The following RXRA variants were observed in gnomAD, a reference collection of about 807,000 sequenced individuals.
RXRA encodes the protein retinoic acid receptor RXR-alpha.
RXRA carries 5 observed loss-of-function variants against 44.5 expected under a neutral mutation model. The ratio of observed to expected loss-of-function variants is 0.11; its 90% CI spans 0.06 to 0.24. The LOEUF (loss-of-function observed/expected upper bound fraction) is 0.24. Among genes scored for constraint, RXRA ranks in the 10% least tolerant of loss-of-function variants. The pLI, the probability that RXRA is intolerant of heterozygous loss-of-function variation, is 1.00. For missense variants in RXRA, 412 were observed against 646.5 expected, an observed-to-expected ratio of 0.64 and a Z score of 3.93; for synonymous variants, 291 against 271.4, an observed-to-expected ratio of 1.07 and a Z score of -0.71.
intron 1 of RXRA, chr9:134,372,015 G>A (rs1435301019): frequency 1.3e-5 from 2 of 152,216 alleles, no homozygotes; most frequent in African/African-American, 4.8e-5. Context: ...GGGTGCTCAG[G>A]CCCCACTTCC....
chr9:134,422,285 C>G (rs1171043668), intron 6 of RXRA: 1 of 1,289,064 alleles, frequency 7.8e-7, no homozygotes, highest in East Asian at 5.6e-5. Context: ...AGGACACACT[C>G]CTACTTCCTG....
At chr9:134,337,920 C>T (rs1340846328) in intron 1 of RXRA, among the ~76,000 whole-genome samples, 1 of 152,144 alleles carries the variant, frequency 6.6e-6, no homozygotes, top group Non-Finnish European at 1.5e-5. Context: ...TGGCCGCGTG[C>T]CAGCCCTGAG....
chr9:134,343,484 A>C lies in RXRA; in HGVS notation c.28+16825A>C, dbSNP rs1763482159. Among the ~76,000 whole-genome samples the C allele has an allele frequency of 2.0e-5, 3 of 151,974 alleles. No homozygotes were observed. Among genetic ancestry groups the C allele is most frequent in the African/African-American group, 7.3e-5 (3 of 41,354 alleles). On this transcript the variant is annotated intron_variant, in intron 1 of 9. Transcript: ENST00000481739. The surrounding 1 kb of genome is among the most constrained non-coding windows in gnomAD (Gnocchi z 4.1). ...GGCAAAGGAACGTGAGGAGGGCATG[A>C]GTGTTGTATCTCATGGGAAGAAGCA...
intron 1 of RXRA, among the ~76,000 whole-genome samples, chr9:134,353,676 A>T (rs2119048077): frequency 6.6e-6 from 1 of 152,306 alleles, no homozygotes; most frequent in Non-Finnish European, 1.5e-5. Flanking sequence ...GTGGCAGGGC[A>T]GAGGTGCCCT....
intron 1 of RXRA, among the ~76,000 whole-genome samples, chr9:134,369,678 C>T (rs1051124931): frequency 6.6e-6 from 1 of 151,998 alleles, no homozygotes; most frequent in East Asian, 1.9e-4. Context: ...AGTCATGGGC[C>T]TGGGTTTGAG....
chr9:134,400,177 G>T (rs974029718), intron 1 of RXRA, among the ~76,000 whole-genome samples: 3 of 152,214 alleles, frequency 2.0e-5, no homozygotes, highest in African/African-American at 7.2e-5. Context: ...GATGCAGGGT[G>T]CACAGGAGGC....
intron 1 of RXRA, among the ~76,000 whole-genome samples, chr9:134,388,697 C>T (rs909820597): frequency 6.6e-6 from 1 of 152,330 alleles, no homozygotes; most frequent in Non-Finnish European, 1.5e-5. Flanking sequence ...CTGGGCGCAT[C>T]GGGCTCTCCC....
chr9:134,339,705 CTGTG>C (rs1158686845), intron 1 of RXRA, among the ~76,000 whole-genome samples: 1 of 130,722 alleles, frequency 7.6e-6, no homozygotes, highest in African/African-American at 3.0e-5. Context: ...GTGTGTGTGC[CTGTG>C]TGTGTTTGAG....
At chr9:134,434,873 C>CGGGGGGGGGGGGGGGGGGGG (rs1831591429) in intron 9 of RXRA, among the ~76,000 whole-genome samples, 1 of 108,866 alleles carries the variant, frequency 9.2e-6, no homozygotes, top group African/African-American at 4.3e-5. Flanking sequence ...GGGAGGGGGT[C>CGGGGGGGGGGGGGGGGGGGG]GGGGGAGGTG....
At chr9:134,379,143 C>T (rs78310111) in intron 1 of RXRA, among the ~76,000 whole-genome samples, 1 of 152,190 alleles carries the variant, frequency 6.6e-6, no homozygotes, top group Non-Finnish European at 1.5e-5. Context: ...AGCTCCTCCC[C>T]ACCACACCTC....
rs559472318 is a variant in RXRA, at chr9:134,394,565, C to T, written c.29-7067C>T. On this transcript the variant is annotated intron_variant, in intron 1 of 9. Coordinates refer to ENST00000481739, the MANE Select transcript of RXRA (RefSeq NM_002957.6). ...CTCGCGGAGGTCTCTGGGGGAGGCC[C>T]GGGCAGGGTCTCATAGGTCTGGGTT... Among the ~76,000 whole-genome samples, 21 of 152,234 alleles carry T rather than the reference C, an allele frequency of 1.4e-4. No homozygotes were observed. In the East Asian group the frequency reaches 2.1e-3, roughly 15 times the overall value.
chr9:134,377,952 GA>G lies in RXRA; in HGVS notation c.29-23678del, dbSNP rs537708466. Among the ~76,000 whole-genome samples, 59 of 152,364 alleles carry G rather than the reference GA, an allele frequency of 3.9e-4. 1 individual carries two copies. Among genetic ancestry groups the G allele is most frequent in the African/African-American group, 1.3e-3 (56 of 41,596 alleles). Reference sequence around the variant, plus strand: ...GGCTGTGAGAATCCAGGTGTGTGCGGAAGGGCCGAGCTGGGGCAGGTTATGT... The same window carrying G: ...GGCTGTGAGAATCCAGGTGTGTGCGGAGGGCCGAGCTGGGGCAGGTTATGT... On this transcript the variant is annotated intron_variant, in intron 1 of 9. Transcript: ENST00000481739.
chr9:134,333,431 T>A (rs1007260940), intron 1 of RXRA, among the ~76,000 whole-genome samples: 7 of 152,130 alleles, frequency 4.6e-5, no homozygotes, highest in African/African-American at 1.7e-4. Context: ...TTTCCCCAGC[T>A]GTACCCGGGG....
chr9:134,342,582 T>C lies in RXRA; in HGVS notation c.28+15923T>C, dbSNP rs1363326846. 2.0e-5 allele frequency among the ~76,000 whole-genome samples: 3 copies of C among 152,122 alleles called. No individual in the cohort carries two copies. The highest frequency in any genetic ancestry group is 4.4e-5 in the Non-Finnish European group (3 of 68,014). On this transcript the variant is annotated intron_variant, in intron 1 of 9. Coordinates refer to ENST00000481739, the MANE Select transcript of RXRA (RefSeq NM_002957.6). The surrounding 1 kb of genome is among the most constrained non-coding windows in gnomAD (Gnocchi z 4.4). ...TGCAGGCAGAGTGGTAACAGCAAGC[T>C]GTGGGCAAGGGACTGCTTGGGAGCT...
chr9:134,367,292 C>T (rs1392153078), intron 1 of RXRA, among the ~76,000 whole-genome samples: 1 of 152,176 alleles, frequency 6.6e-6, no homozygotes, highest in African/African-American at 2.4e-5. Context: ...TCACAGCAGT[C>T]TAGGTGCTGC....
chr9:134,423,344 C>CG, intron 6 of RXRA: 1 of 985,454 alleles, frequency 1.0e-6, no homozygotes, highest in African/African-American at 1.7e-5. Flanking sequence ...CCTAGAGGCC[C>CG]GCTACCGCAC....
intron 1 of RXRA, among the ~76,000 whole-genome samples, chr9:134,363,355 C>T (rs1830376810): frequency 6.6e-6 from 1 of 152,204 alleles, no homozygotes. Flanking sequence ...TGTCCACCCA[C>T]CCCATTTTCC....
chr9:134,348,261 G>T (rs1010817344), intron 1 of RXRA, among the ~76,000 whole-genome samples: 2 of 152,192 alleles, frequency 1.3e-5, no homozygotes, highest in Non-Finnish European at 2.9e-5. Flanking sequence ...AGCCTCCCAG[G>T]AGGTGAAACC....
intron 2 of RXRA, chr9:134,404,480 G>A (rs1018348381): frequency 6.6e-6 from 1 of 152,496 alleles, no homozygotes; most frequent in East Asian, 1.9e-4. Flanking sequence ...GCGCGTTGCA[G>A]GTATTGGTGG....
Sources: gnomAD v4.1 joint callset for allele counts (sites outside exome capture counted in the v4.1 genomes callset) on GRCh38, gnomAD v4.1.1 for gene constraint, Gnocchi (gnomAD v3.1) non-coding constraint, MANE v1.5 for transcripts, NCBI Gene and HGNC (gene_info 2026-07-23, HGNC 2026-07-21) for gene names.